The following DACH2 variants were observed in gnomAD, a reference collection of about 807,000 sequenced individuals.
The protein encoded by DACH2 is dachshund family transcription factor 2.
In DACH2, 17 loss-of-function variants were observed where a neutral mutation model predicts 35.8. The observed-to-expected ratio is 0.48, with a 90% CI of 0.33 to 0.71. DACH2 has a LOEUF of 0.71. Among genes scored for constraint, DACH2 ranks in the 30% least tolerant of loss-of-function variants. DACH2 has a pLI of 0.02. For synonymous variants in DACH2, 195 were observed against 177.3 expected (o/e 1.10, Z -0.79); for missense variants, 469 against 472.7 (o/e 0.99, Z 0.07).
chrX:86,321,647 G>A (rs772370598), intron 1 of DACH2, among the ~76,000 whole-genome samples: 9 of 111,046 alleles, frequency 8.1e-5, no homozygotes, highest in Non-Finnish European at 1.1e-4. Flanking sequence ...TCCTTATCTC[G>A]CCTTTTCCTT....
chrX:86,232,305 T>G (rs59875908), intron 1 of DACH2, among the ~76,000 whole-genome samples: 2,423 of 112,090 alleles, frequency 0.022, 57 homozygotes, highest in African/African-American at 0.072. Context: ...AAAGATTTCA[T>G]GACAAAGACA....
intron 3 of DACH2, among the ~76,000 whole-genome samples, chrX:86,532,146 A>G (rs1233468968): frequency 8.9e-6 from 1 of 112,160 alleles, no homozygotes; most frequent in Non-Finnish European, 1.9e-5. Context: ...TTTTGATTTT[A>G]CAGGCTTATA....
intron 3 of DACH2, among the ~76,000 whole-genome samples, chrX:86,553,055 G>A (rs762345233): frequency 9.0e-6 from 1 of 110,873 alleles, no homozygotes; most frequent in East Asian, 2.9e-4. Context: ...ATTTATTAAG[G>A]AATATTGACT....
At chrX:86,791,481 T>G (rs766736558) in intron 7 of DACH2, among the ~76,000 whole-genome samples, 2 of 111,752 alleles carry the variant, frequency 1.8e-5, no homozygotes, top group Non-Finnish European at 3.8e-5. Flanking sequence ...TTTACAATAT[T>G]GAACAATCCC....
At chrX:86,524,755 G>C (rs547682425) in intron 3 of DACH2, among the ~76,000 whole-genome samples, 5 of 111,138 alleles carry the variant, frequency 4.5e-5, no homozygotes, top group African/African-American at 1.6e-4. Context: ...TATTTGTCCT[G>C]CATGGCTGGG....
intron 1 of DACH2, among the ~76,000 whole-genome samples, chrX:86,324,802 C>T (rs1230589888): frequency 2.8e-5 from 3 of 108,468 alleles, no homozygotes; most frequent in African/African-American, 1.0e-4. Context: ...TGGTCTCAAT[C>T]TCCTGACCTC....
At chrX:86,724,206 T>C (rs760684612) in intron 6 of DACH2, among the ~76,000 whole-genome samples, 60 of 111,970 alleles carry the variant, frequency 5.4e-4, no homozygotes, top group Non-Finnish European at 9.2e-4. Context: ...ATTCTCTATG[T>C]TTCTTTATGA....
intron 6 of DACH2, among the ~76,000 whole-genome samples, chrX:86,726,331 G>C (rs1363248420): frequency 8.9e-6 from 1 of 111,738 alleles, no homozygotes; most frequent in Non-Finnish European, 1.9e-5. Flanking sequence ...GTGGGGCACA[G>C]CCCAGTGTTA....
At chrX:86,329,092 A>T (rs1332948037) in intron 1 of DACH2, among the ~76,000 whole-genome samples, 3 of 111,289 alleles carry the variant, frequency 2.7e-5, no homozygotes, top group Non-Finnish European at 5.7e-5. Context: ...ATCCTGAAGG[A>T]TTGAAGTGGT....
chrX:86,240,764 G>A (rs1000851777), intron 1 of DACH2, among the ~76,000 whole-genome samples: 1 of 110,419 alleles, frequency 9.1e-6, no homozygotes, highest in Non-Finnish European at 1.9e-5. Flanking sequence ...TTGGATCATG[G>A]GGGTGGATTT....
intron 1 of DACH2, among the ~76,000 whole-genome samples, chrX:86,263,584 A>G (rs1254798054): frequency 8.9e-6 from 1 of 112,047 alleles, no homozygotes; most frequent in Non-Finnish European, 1.9e-5. Flanking sequence ...AAGGTCAGAA[A>G]TAAAATGTGT....
intron 3 of DACH2, among the ~76,000 whole-genome samples, chrX:86,534,550 T>C (rs1336786472): frequency 8.9e-6 from 1 of 112,043 alleles, no homozygotes; most frequent in Non-Finnish European, 1.9e-5. Flanking sequence ...GCTCTGCTGG[T>C]CAGACCGTAT....
chrX:86,375,328 T>TTA (rs1213554514), intron 1 of DACH2, among the ~76,000 whole-genome samples: 4 of 101,879 alleles, frequency 3.9e-5, no homozygotes, highest in African/African-American at 7.0e-5. Context: ...ATTAGTATAA[T>TTA]TATATATATA....
intron 9 of DACH2, among the ~76,000 whole-genome samples, chrX:86,813,517 C>A (rs1461073531): frequency 1.9e-5 from 2 of 106,698 alleles, no homozygotes; most frequent in South Asian, 4.3e-4. Flanking sequence ...GAGGCTGAGG[C>A]AGGAGAATGG....
chrX:86,478,216 G>GGTT (rs2037878221), intron 2 of DACH2, among the ~76,000 whole-genome samples: 1 of 111,527 alleles, frequency 9.0e-6, no homozygotes, highest in Admixed American at 9.5e-5. Context: ...ACCTTCAGAT[G>GGTT]GTTTCTTGTT....
At chrX:86,219,953 T>G (rs1239289269) in intron 1 of DACH2, among the ~76,000 whole-genome samples, 1 of 97,059 alleles carries the variant, frequency 1.0e-5, no homozygotes, top group Non-Finnish European at 2.0e-5. Context: ...GGTCAGGAGT[T>G]CCAGACTAGC....
intron 3 of DACH2, among the ~76,000 whole-genome samples, chrX:86,608,623 A>T (rs1466471332): frequency 1.8e-5 from 2 of 111,330 alleles, no homozygotes; most frequent in African/African-American, 6.5e-5. Context: ...TTCTTGTAGA[A>T]CACGTCTGGT....
intron 3 of DACH2, among the ~76,000 whole-genome samples, chrX:86,636,798 G>A (rs1262193552): frequency 9.1e-6 from 1 of 110,121 alleles, no homozygotes; most frequent in Non-Finnish European, 1.9e-5. Flanking sequence ...ACAAAGGAAT[G>A]GGCAAAGATT....
chrX:86,315,878 G>T (rs2034895192), intron 1 of DACH2, among the ~76,000 whole-genome samples: 1 of 104,144 alleles, frequency 9.6e-6, no homozygotes, highest in Non-Finnish European at 1.9e-5. Flanking sequence ...AGTTTAATAG[G>T]CATAAGAAAA....
Sources: allele counts gnomAD v4.1 joint callset (sites outside exome capture counted in the v4.1 genomes callset), GRCh38; gene constraint gnomAD v4.1.1; transcripts MANE v1.5; gene names NCBI Gene and HGNC (gene_info 2026-07-23, HGNC 2026-07-21).